GFRA1: variants seen among roughly 807,000 people sequenced by gnomAD.
The protein encoded by GFRA1 is GDNF family receptor alpha 1.
Under a neutral mutation model 51.6 loss-of-function variants are expected in GFRA1, and 16 were observed. That is an observed-to-expected ratio of 0.31 (90% confidence interval 0.21 to 0.47). The LOEUF (loss-of-function observed/expected upper bound fraction) is 0.47, where lower values mean the gene tolerates loss of function less well. Among genes scored for constraint, GFRA1 ranks in the 20% least tolerant of loss-of-function variants. The pLI, the probability that GFRA1 is intolerant of heterozygous loss-of-function variation, is 1.00. For missense variants in GFRA1, 530 were observed against 594.3 expected, an observed-to-expected ratio of 0.89 and a Z score of 1.13; for synonymous variants, 270 against 241.3, an observed-to-expected ratio of 1.12 and a Z score of -1.10.
Position 116,095,487 on chromosome 10 carries a change from G to A in GFRA1, c.880+1168C>T, listed in dbSNP as rs1956531883. Among the ~76,000 whole-genome samples the A allele has an allele frequency of 3.9e-5, 6 of 152,296 alleles. No individual in the cohort carries two copies. In the South Asian group the frequency reaches 1.2e-3, roughly 32 times the overall value. On this transcript the variant is annotated intron_variant, in intron 7 of 10. Coordinates refer to ENST00000355422, the MANE Select transcript of GFRA1 (RefSeq NM_005264.8). ...CAGAGATTAACTTACTCGGGAAAAGGAGAGAGTGAATGCAAGTTTGGAGTA... is the reference window on the plus strand; with the variant it reads ...CAGAGATTAACTTACTCGGGAAAAGAAGAGAGTGAATGCAAGTTTGGAGTA...
At chr10:116,268,969 T>G (rs1282741201) in intron 4 of GFRA1, among the ~76,000 whole-genome samples, 1 of 152,208 alleles carries the variant, frequency 6.6e-6, no homozygotes, top group Non-Finnish European at 1.5e-5. Flanking sequence ...ATGCACACAC[T>G]TGCTCAGGAA....
Position 116,267,193 on chromosome 10 carries a change from G to A in GFRA1, c.418+2310C>T, listed in dbSNP as rs540851861. On this transcript the variant is annotated intron_variant, in intron 4 of 10. Transcript: ENST00000355422. ...TAAAAACTCCATTGCGGGCAGGCAC[G>A]GTGGCTCACACCTGTAATCCCAGCA... is the stretch of plus-strand genomic sequence containing the variant. Among the ~76,000 whole-genome samples, 16 of 152,164 alleles carry A rather than the reference G, an allele frequency of 1.1e-4. No homozygotes were observed. In the South Asian group the frequency reaches 2.5e-3, roughly 24 times the overall value.
At chr10:116,189,571 C>A (rs1963064919) in intron 5 of GFRA1, among the ~76,000 whole-genome samples, 1 of 152,162 alleles carries the variant, frequency 6.6e-6, no homozygotes, top group Non-Finnish European at 1.5e-5. Flanking sequence ...AAGTTTAATT[C>A]TCTTTAAGTG....
chr10:116,122,319 C>T (rs1053326069), intron 6 of GFRA1, among the ~76,000 whole-genome samples: 1 of 152,188 alleles, frequency 6.6e-6, no homozygotes, highest in African/African-American at 2.4e-5. Flanking sequence ...CTGCTGTCCA[C>T]TCCAGGAAGA....
chr10:116,206,527 C>A (rs1964770109), intron 5 of GFRA1, among the ~76,000 whole-genome samples: 1 of 152,012 alleles, frequency 6.6e-6, no homozygotes, highest in African/African-American at 2.4e-5. Context: ...AAAAGCAATG[C>A]CATCCATTGT....
intron 6 of GFRA1, among the ~76,000 whole-genome samples, chr10:116,122,642 G>A (rs944918174): frequency 6.6e-6 from 1 of 152,176 alleles, no homozygotes; most frequent in African/African-American, 2.4e-5. Flanking sequence ...ACAAGCCAGA[G>A]AATGCAAATT....
Position 116,201,456 on chromosome 10 carries a change from A to C in GFRA1, c.433+10175T>G, listed in dbSNP as rs926099777. 1.1e-4 allele frequency among the ~76,000 whole-genome samples: 16 copies of C among 152,112 alleles called. 1 individual carries two copies. The highest frequency in any genetic ancestry group is 9.8e-4 in the Admixed American group (15 of 15,274). On this transcript the variant is annotated intron_variant, in intron 5 of 10. Transcript: ENST00000355422. ...GTTTGCTGCCCTCTCAACATCCCAT[A>C]AAAACAACACTATACTTGTTTTGGT...
intron 5 of GFRA1, among the ~76,000 whole-genome samples, chr10:116,190,288 T>C (rs1963133062): frequency 6.6e-6 from 1 of 152,152 alleles, no homozygotes; most frequent in South Asian, 2.1e-4. Context: ...TAGAGGGTGT[T>C]TGAAATCCAA....
At chr10:116,101,033 C>G (rs1259601898) in intron 6 of GFRA1, among the ~76,000 whole-genome samples, 1 of 152,186 alleles carries the variant, frequency 6.6e-6, no homozygotes, top group Non-Finnish European at 1.5e-5. Flanking sequence ...ATGCTGTGGA[C>G]AGCCAAGATG....
rs572089008 is a variant in GFRA1, at chr10:116,087,779, G to GA, written c.1197+1961dup. On this transcript the variant is annotated intron_variant, in intron 9 of 10. Transcript: ENST00000355422. ...AGCAGGGTGCAGAGCACCCGCTGGA[G>GA]ATGGAAAAAAGACCCTGTTCCCTGC... 5.0e-3 allele frequency among the ~76,000 whole-genome samples: 768 copies of GA among 152,256 alleles called. 1 individual carries two copies. Among genetic ancestry groups the GA allele is most frequent in the Non-Finnish European group, 8.2e-3 (560 of 68,020 alleles).
At chr10:116,216,380 TGAGGAGAAC>T (rs1223130680) in intron 4 of GFRA1, among the ~76,000 whole-genome samples, 1 of 152,194 alleles carries the variant, frequency 6.6e-6, no homozygotes. Flanking sequence ...CTTTGTTTTA[TGAGGAGAAC>T]TGGATGGCAG....
intron 4 of GFRA1, among the ~76,000 whole-genome samples, chr10:116,268,169 A>G (rs1969823159): frequency 6.6e-6 from 1 of 152,212 alleles, no homozygotes; most frequent in African/African-American, 2.4e-5. Context: ...TCTGAGTAGC[A>G]AAGGGTAGAT....
At chr10:116,267,064 C>T (rs140696017) in intron 4 of GFRA1, among the ~76,000 whole-genome samples, 2,649 of 151,756 alleles carry the variant, frequency 0.017, 63 homozygotes, top group African/African-American at 0.058. Context: ...TCGCTTGAGC[C>T]CAGGAGTTTG....
At chr10:116,207,562 T>G (rs1964873594) in intron 5 of GFRA1, among the ~76,000 whole-genome samples, 1 of 152,110 alleles carries the variant, frequency 6.6e-6, no homozygotes, top group South Asian at 2.1e-4. Flanking sequence ...GACCTTGGAA[T>G]TTGGTGTCTT....
At chr10:116,064,602 T>C in intron 10 of GFRA1, 58 bp from the exon 11 acceptor site, 3 of 1,475,274 alleles carry the variant, frequency 2.0e-6, no homozygotes, top group Non-Finnish European at 2.8e-6. Flanking sequence ...TACCACAGTA[T>C]ACTTTACACT....
chr10:116,207,910 C>T (rs1470744992), intron 5 of GFRA1, among the ~76,000 whole-genome samples: 2 of 152,036 alleles, frequency 1.3e-5, no homozygotes, highest in African/African-American at 4.8e-5. Flanking sequence ...TAGAGCCGCC[C>T]ACTCAGCCCT....
intron 5 of GFRA1, among the ~76,000 whole-genome samples, chr10:116,152,726 T>C (rs1469038972): frequency 6.6e-6 from 1 of 152,214 alleles, no homozygotes; most frequent in African/African-American, 2.4e-5. Context: ...CCGATTTAAA[T>C]ATCCAAGGAA....
intron 9 of GFRA1, among the ~76,000 whole-genome samples, chr10:116,083,371 C>T (rs1955942271): frequency 6.6e-6 from 1 of 152,228 alleles, no homozygotes; most frequent in Non-Finnish European, 1.5e-5. Context: ...AAAATCCCAG[C>T]ACCCTGGACT....
chr10:116,106,301 A>T (rs1045268182), intron 6 of GFRA1, among the ~76,000 whole-genome samples: 1 of 152,192 alleles, frequency 6.6e-6, no homozygotes, highest in Non-Finnish European at 1.5e-5. Context: ...CCAATAGAAA[A>T]CTAAAAGACT....
Sources: allele counts gnomAD v4.1 joint callset (sites outside exome capture counted in the v4.1 genomes callset), GRCh38; gene constraint gnomAD v4.1.1; transcripts MANE v1.5; gene names NCBI Gene and HGNC (gene_info 2026-07-23, HGNC 2026-07-21).